HDAC9: variants seen among roughly 807,000 people sequenced by gnomAD.
HDAC9 encodes MEF-2 interacting transcription repressor (MITR) protein.
HDAC9 carries 41 observed loss-of-function variants against 139.4 expected under a neutral mutation model. That is an observed-to-expected ratio of 0.29 (90% confidence interval 0.23 to 0.38). The LOEUF (loss-of-function observed/expected upper bound fraction) is 0.38. Among genes scored for constraint, HDAC9 ranks in the 10% least tolerant of loss-of-function variants. The pLI is 1.00. For missense variants in HDAC9, 1,147 were observed against 1,297.0 expected (o/e 0.88, Z 1.78); for synonymous variants, 517 against 476.2 (o/e 1.09, Z -1.12).
intron 2 of HDAC9, among the ~76,000 whole-genome samples, chr7:18,270,523 G>GGATA (rs1356187954): frequency 7.9e-5 from 12 of 151,986 alleles, no homozygotes; most frequent in Non-Finnish European, 2.9e-5. Flanking sequence ...TTCTTTTGTG[G>GGATA]GATACTACCT....
chr7:18,835,159 A>G (rs1169689601), intron 19 of HDAC9, among the ~76,000 whole-genome samples: 1 of 152,112 alleles, frequency 6.6e-6, no homozygotes, highest in Non-Finnish European at 1.5e-5. Flanking sequence ...ATCTAATTGT[A>G]CCAAAGGACT....
intron 1 of HDAC9, among the ~76,000 whole-genome samples, chr7:18,490,469 C>G (rs1224275937): frequency 6.6e-6 from 1 of 151,960 alleles, no homozygotes; most frequent in African/African-American, 2.4e-5. Context: ...AACAGTCTCC[C>G]TGAAATTTCA....
intron 1 of HDAC9, among the ~76,000 whole-genome samples, chr7:18,158,721 A>G (rs1236173933): frequency 6.6e-6 from 1 of 152,226 alleles, no homozygotes; most frequent in Non-Finnish European, 1.5e-5. Context: ...CTGACTTGTG[A>G]TGCTATTACT....
At chr7:18,890,993 C>G (rs1369800031) in intron 22 of HDAC9, among the ~76,000 whole-genome samples, 1 of 152,180 alleles carries the variant, frequency 6.6e-6, no homozygotes, top group Non-Finnish European at 1.5e-5. Flanking sequence ...GCGAGTCTGT[C>G]TGATCTGGGT....
intron 6 of HDAC9, among the ~76,000 whole-genome samples, chr7:18,602,513 T>G (rs1834244633): frequency 6.6e-6 from 1 of 151,924 alleles, no homozygotes; most frequent in Admixed American, 6.5e-5. Context: ...TTGTTATTTT[T>G]CCTCTATTTT....
intron 22 of HDAC9, among the ~76,000 whole-genome samples, chr7:18,880,465 T>C (rs1280308641): frequency 6.6e-6 from 1 of 152,160 alleles, no homozygotes; most frequent in African/African-American, 2.4e-5. Flanking sequence ...CACCATACTA[T>C]GCAGCCATAA....
intron 21 of HDAC9, among the ~76,000 whole-genome samples, chr7:18,854,681 A>G (rs1797545744): frequency 6.6e-6 from 1 of 151,182 alleles, no homozygotes; most frequent in South Asian, 2.1e-4. Flanking sequence ...AATACTGAAT[A>G]GAGAAAAGTA....
At chr7:18,122,026 G>T (rs1784394361) in intron 1 of HDAC9, among the ~76,000 whole-genome samples, 1 of 152,116 alleles carries the variant, frequency 6.6e-6, no homozygotes, top group Admixed American at 6.6e-5. Context: ...TCTTCAACAT[G>T]CCAGTTCCCC....
chr7:18,371,401 G>T (rs893839542), intron 1 of HDAC9, among the ~76,000 whole-genome samples: 1 of 152,014 alleles, frequency 6.6e-6, no homozygotes, highest in African/African-American at 2.4e-5. Flanking sequence ...CTAAAATTCT[G>T]GTTAAATGCA....
At chr7:18,588,734 GT>G (rs1830121045) in intron 3 of HDAC9, among the ~76,000 whole-genome samples, 1 of 152,004 alleles carries the variant, frequency 6.6e-6, no homozygotes, top group African/African-American at 2.4e-5. Context: ...CTGGGCGTGT[GT>G]GAAAAAAATA....
intron 2 of HDAC9, among the ~76,000 whole-genome samples, chr7:18,531,449 T>C (rs757090314): frequency 3.3e-5 from 5 of 152,246 alleles, no homozygotes; most frequent in Non-Finnish European, 5.9e-5. Flanking sequence ...TTAAATTCTT[T>C]CCTGTGATGT....
At chr7:18,434,552 A>G (rs1313499677) in intron 1 of HDAC9, among the ~76,000 whole-genome samples, 2 of 152,200 alleles carry the variant, frequency 1.3e-5, no homozygotes, top group African/African-American at 4.8e-5. Flanking sequence ...TAACAGGCAA[A>G]AAACAACTCT....
rs150847175 is a variant in HDAC9 at position 18,598,995 on chromosome 7, G to A, written c.664+4966G>A. ...ATTTGAGTCCAACCTGGGTAACATAGGGAGACCCTGTCTCTTAACAAATAA... is the reference window on the plus strand; with the variant it reads ...ATTTGAGTCCAACCTGGGTAACATAAGGAGACCCTGTCTCTTAACAAATAA... On this transcript the variant is annotated intron_variant, in intron 6 of 25. Coordinates refer to ENST00000686413, the MANE Select transcript of HDAC9 (RefSeq NM_178425.4). Among the ~76,000 whole-genome samples the A allele has an allele frequency of 8.2e-3, 1,245 of 152,268 alleles. 14 individuals carry two copies. The highest frequency in any genetic ancestry group is 0.051 in the Middle Eastern group (15 of 294).
chr7:18,459,856 T>C (rs1793677987), intron 1 of HDAC9, among the ~76,000 whole-genome samples: 1 of 152,158 alleles, frequency 6.6e-6, no homozygotes, highest in Non-Finnish European at 1.5e-5. Context: ...ATATCAAGCT[T>C]TTCTTATATC....
chr7:18,137,924 C>T (rs1157706412), intron 1 of HDAC9, among the ~76,000 whole-genome samples: 2 of 151,484 alleles, frequency 1.3e-5, no homozygotes, highest in Admixed American at 1.3e-4. Context: ...GGCTGTGAAT[C>T]CATCTGGTCC....
intron 13 of HDAC9, among the ~76,000 whole-genome samples, chr7:18,737,509 A>T (rs547942786): frequency 6.6e-6 from 1 of 152,244 alleles, no homozygotes; most frequent in East Asian, 1.9e-4. Context: ...GTCATTCAGG[A>T]GCAGGTTGTT....
At chr7:18,115,797 A>G (rs1042124826) in intron 1 of HDAC9, among the ~76,000 whole-genome samples, 8 of 152,226 alleles carry the variant, frequency 5.3e-5, no homozygotes, top group African/African-American at 1.7e-4. Context: ...AAATCCTAGA[A>G]GCTGATACTA....
intron 8 of HDAC9, among the ~76,000 whole-genome samples, chr7:18,643,315 T>C (rs1786327620): frequency 6.6e-6 from 1 of 152,140 alleles, no homozygotes; most frequent in African/African-American, 2.4e-5. Flanking sequence ...CAACTAATTT[T>C]TTAAAGGGCT....
intron 1 of HDAC9, among the ~76,000 whole-genome samples, chr7:18,103,414 G>T (rs901754966): frequency 6.6e-6 from 1 of 152,086 alleles, no homozygotes; most frequent in African/African-American, 2.4e-5. Context: ...TGAGGTTTGG[G>T]CATCTGTCGA....
Sources: allele counts gnomAD v4.1 joint callset (sites outside exome capture counted in the v4.1 genomes callset), GRCh38; gene constraint gnomAD v4.1.1; transcripts MANE v1.5; gene names NCBI Gene and HGNC (gene_info 2026-07-23, HGNC 2026-07-21).